The following TREH variants were observed in gnomAD, a reference collection of about 807,000 sequenced individuals.
TREH encodes trehalase.
A neutral mutation model predicts 80.5 loss-of-function variants in TREH; 69 were observed. The ratio of observed to expected loss-of-function variants is 0.86; its 90% CI spans 0.71 to 1.05. The LOEUF (loss-of-function observed/expected upper bound fraction) is 1.05. Ranked by LOEUF, TREH falls within the 50% of genes least tolerant of loss-of-function variation. The probability of loss-of-function intolerance (pLI) is 0.00; values close to 1 mark genes in which losing one functional copy is unlikely to be tolerated. For missense variants in TREH, 716 were observed against 718.8 expected (o/e 1.00, Z 0.04); for synonymous variants, 309 against 293.5 (o/e 1.05, Z -0.54).
intron 1 of TREH, 106 bp from the exon 2 acceptor site, chr11:118,663,545 A>T (rs992341565): frequency 1.1e-6 from 1 of 908,584 alleles, no homozygotes; most frequent in Non-Finnish European, 1.7e-6. Context: ...GTTCCCTGGG[A>T]CTGGACAAGG....
intron 1 of TREH, among the ~76,000 whole-genome samples, chr11:118,668,174 A>T (rs1949395878): frequency 6.6e-6 from 1 of 152,144 alleles, no homozygotes; most frequent in Non-Finnish European, 1.5e-5. Context: ...CTACAAATTT[A>T]CTTTTAACAA....
At chr11:118,675,803 A>AG (rs11464188) in intron 1 of TREH, among the ~76,000 whole-genome samples, 152,326 of 152,326 alleles carry the variant, frequency 1, 76,163 homozygotes, top group Non-Finnish European at 1. Flanking sequence ...TCCCAGGTCA[A>AG]TGATTCTCAC....
chr11:118,679,118 T>C (rs1451610003), intron 1 of TREH, among the ~76,000 whole-genome samples: 1 of 152,162 alleles, frequency 6.6e-6, no homozygotes, highest in East Asian at 1.9e-4. Flanking sequence ...GGCTCACGCT[T>C]GTATTCCCAG....
intron 1 of TREH, among the ~76,000 whole-genome samples, chr11:118,664,765 AGTG>A (rs1487572906): frequency 1.3e-5 from 2 of 152,154 alleles, no homozygotes; most frequent in Non-Finnish European, 2.9e-5. Flanking sequence ...TGCTGTCTAC[AGTG>A]GGGGAGGGAG....
rs1949318418 is a variant in TREH, at chr11:118,661,276, G to GT, written c.740dup (p.Asn247LysfsTer3). ...CCAATTCCAAGGCTAGTGTTTCAAT[G>GT]TTTTCCCTGGAGTGAAGCAGACAAC... On this transcript the variant is annotated frameshift_variant, in exon 8 of 15. Transcript: ENST00000264029. LOFTEE classifies it high-confidence loss of function. The surrounding 1 kb of genome is among the most constrained non-coding windows in gnomAD (Gnocchi z 4.2). The GT allele has an allele frequency of 1.9e-6, 3 of 1,613,872 alleles. No individual in the cohort carries two copies. The highest frequency in any genetic ancestry group is 2.5e-6 in the Non-Finnish European group (3 of 1,179,894).
At chr11:118,670,561 C>T (rs542963409) in intron 1 of TREH, among the ~76,000 whole-genome samples, 4 of 152,266 alleles carry the variant, frequency 2.6e-5, no homozygotes, top group Admixed American at 1.3e-4. Context: ...ATGTGACCCT[C>T]AATATTAGAA....
At chr11:118,669,508 CA>C (rs1555146009) in intron 1 of TREH, among the ~76,000 whole-genome samples, 5 of 152,158 alleles carry the variant, frequency 3.3e-5, no homozygotes, top group Non-Finnish European at 7.3e-5. Context: ...GAGTACTATT[CA>C]GCCATAAAAA....
At position 118,659,730 on chromosome 11, in the gene TREH, A is replaced by G. The variant is rs1555144448; in HGVS notation, c.1320+17T>C. On this transcript the variant is annotated intron_variant, in intron 11 of 14. Coordinates refer to ENST00000264029, the MANE Select transcript of TREH (RefSeq NM_007180.3). ...GTGCTGCCTGCAGTGGACCCGAGCC[A>G]CCTGCTGTGCCCTCACCTCCAGGTA... 6.4e-7 allele frequency: 1 copy of G among 1,560,612 alleles called. No homozygotes were observed. The highest frequency in any genetic ancestry group is 1.9e-5 in the Admixed American group (1 of 52,000).
rs782267995 is a variant in TREH, at chr11:118,659,474, C to A, written c.1328G>T (p.Arg443Leu). Residue 443 changes from arginine to leucine, a missense_variant, in exon 12 of 15, where the codon CGG (arginine) becomes CTG (leucine). Transcript: ENST00000264029. ...GATCCCATACTGGTAAGTCAGGATC[C>A]GGTTGTCCTAGAAGGTCCCAGACAT... The part of the protein sequence containing the change: ...DKALKYLEDN[R>L]ILTYQYGIPT... The A allele has an allele frequency of 3.8e-6, 6 of 1,592,958 alleles. No individual in the cohort carries two copies. In the East Asian group the frequency reaches 9.0e-5, roughly 24 times the overall value.
At chr11:118,667,845 C>T (rs1444264503) in intron 1 of TREH, among the ~76,000 whole-genome samples, 1 of 152,114 alleles carries the variant, frequency 6.6e-6, no homozygotes, top group Non-Finnish European at 1.5e-5. Context: ...ATTTTTATCA[C>T]CTTAAAGTCT....
intron 1 of TREH, among the ~76,000 whole-genome samples, chr11:118,675,515 C>T (rs904619902): frequency 7.9e-5 from 12 of 152,100 alleles, no homozygotes; most frequent in African/African-American, 2.2e-4. Context: ...GAAAAGCTTA[C>T]GGTTATGCTT....
At chr11:118,667,203 A>G (rs1171224539) in intron 1 of TREH, among the ~76,000 whole-genome samples, 3 of 151,626 alleles carry the variant, frequency 2.0e-5, no homozygotes, top group Non-Finnish European at 4.4e-5. Flanking sequence ...TTTTTAGACA[A>G]GGGTTCGCTC....
chr11:118,667,192 T>G (rs1949385946), intron 1 of TREH, among the ~76,000 whole-genome samples: 1 of 152,100 alleles, frequency 6.6e-6, no homozygotes, highest in African/African-American at 2.4e-5. Context: ...TATTTTTTCT[T>G]TTTTTAGACA....
intron 1 of TREH, among the ~76,000 whole-genome samples, chr11:118,675,946 A>G (rs1555146783): frequency 6.6e-6 from 1 of 152,144 alleles, no homozygotes; most frequent in East Asian, 1.9e-4. Context: ...CAAGTGATCC[A>G]TCCACCTCGG....
At position 118,658,425 on chromosome 11, in the gene TREH, G is replaced by A. The variant is rs782243802; in HGVS notation, c.1616C>T (p.Thr539Met). ...EYEVQEGFGWTNGVVLMLLDR... is the reference protein window; with the variant it reads ...EYEVQEGFGWMNGVVLMLLDR... Reference sequence around the variant, plus strand: ...CAGCAGCATCAGGACCACGCCATTCGTCCAGCCAAATCCCTCCTGGGAGAG... The same window carrying A: ...CAGCAGCATCAGGACCACGCCATTCATCCAGCCAAATCCCTCCTGGGAGAG... Residue 539 changes from threonine (T) to methionine (M), a missense_variant, in exon 15 of 15, where the codon ACG (threonine) becomes ATG (methionine). Thr to Met is a moderately conservative substitution (Grantham distance 81, BLOSUM62 -1). Coordinates refer to ENST00000264029, the MANE Select transcript of TREH (RefSeq NM_007180.3). The A allele has an allele frequency of 2.4e-5, 38 of 1,611,050 alleles. No individual in the cohort carries two copies. Among genetic ancestry groups the A allele is most frequent in the African/African-American group, 1.5e-4 (11 of 74,860 alleles).
At chr11:118,676,634 G>T (rs1555146872) in intron 1 of TREH, among the ~76,000 whole-genome samples, 1 of 152,090 alleles carries the variant, frequency 6.6e-6, no homozygotes, top group African/African-American at 2.4e-5. Flanking sequence ...AGGCGTGGTG[G>T]TGCGTGCCTA....
chr11:118,660,496 G>A (rs782692793), intron 10 of TREH, 43 bp downstream of exon 10: 27 of 1,531,932 alleles, frequency 1.8e-5, no homozygotes, highest in Non-Finnish European at 2.3e-5. Flanking sequence ...GCCTGAGCAG[G>A]AAACCAAGCT....
In TREH at chr11:118,659,941, A is replaced by G. The variant is rs1555144547; in HGVS notation, c.1126T>C (p.Tyr376His). The change falls in exon 11 of 15, where the codon TAC becomes CAC. Residue 376 changes from tyrosine (Y) to histidine (H), a missense_variant. Coordinates refer to ENST00000264029, the MANE Select transcript of TREH (RefSeq NM_007180.3). ...RLGNDSQATK[Y>H]RILRSQRLAA... ...AAGCGCTGCGACCGCAGGATTCTGTACTTCGTGGCCTGGGAGTCGTTCCCT... is the reference window on the plus strand; with the variant it reads ...AAGCGCTGCGACCGCAGGATTCTGTGCTTCGTGGCCTGGGAGTCGTTCCCT... 6.4e-7 allele frequency: 1 copy of G among 1,551,596 alleles called. No homozygotes were observed. The highest frequency in any genetic ancestry group is 8.7e-7 in the Non-Finnish European group (1 of 1,146,998).
At chr11:118,667,604 C>T (rs1261258446) in intron 1 of TREH, among the ~76,000 whole-genome samples, 2 of 152,160 alleles carry the variant, frequency 1.3e-5, no homozygotes, top group African/African-American at 4.8e-5. Flanking sequence ...CTATGGGAGG[C>T]CTTATGGCAT....
Sources: gnomAD v4.1 joint callset for allele counts (sites outside exome capture counted in the v4.1 genomes callset) on GRCh38, gnomAD v4.1.1 for gene constraint, Gnocchi (gnomAD v3.1) non-coding constraint, MANE v1.5 for transcripts, NCBI Gene and HGNC (gene_info 2026-07-23, HGNC 2026-07-21) for gene names.